The following MYL2 variants were observed in gnomAD, a reference collection of about 807,000 sequenced individuals.
The protein encoded by MYL2 is myosin light chain 2, also known as myosin regulatory light chain 2, ventricular/cardiac muscle isoform.
MYL2 carries 19 observed loss-of-function variants against 23.0 expected under a neutral mutation model. The ratio of observed to expected loss-of-function variants is 0.83; its 90% CI spans 0.58 to 1.21. MYL2 has a LOEUF of 1.21. Among genes scored for constraint, MYL2 ranks in the 50% most tolerant of loss-of-function variants. The pLI is 0.00. For synonymous variants in MYL2, 78 were observed against 76.2 expected (o/e 1.02, Z -0.13); for missense variants, 180 against 215.1 (o/e 0.84, Z 1.02).
chr12:110,920,681 G>GC (rs909924038), upstream of MYL2: 44 of 1,070,792 alleles, frequency 4.1e-5, no homozygotes, highest in East Asian at 4.9e-5. Flanking sequence ...ACCACCTAAG[G>GC]CCCCCCCACC....
intron 4 of MYL2, 112 bp from the exon 5 acceptor site, chr12:110,913,436 TTG>T (rs2071668064): frequency 9.1e-7 from 1 of 1,095,716 alleles, no homozygotes; most frequent in Admixed American, 1.8e-5. Flanking sequence ...CAAGGCTGCT[TTG>T]CATGGAGGAA....
At chr12:110,914,101 T>C (rs1354298409) in intron 4 of MYL2, 85 bp downstream of exon 4, 2 of 1,092,636 alleles carry the variant, frequency 1.8e-6, no homozygotes, top group Non-Finnish European at 2.8e-6. Flanking sequence ...GCTTTATCTC[T>C]TTTAAAGTTA....
chr12:110,920,688 C>T (rs544647435), upstream of MYL2: 53 of 1,008,066 alleles, frequency 5.3e-5, no homozygotes, highest in South Asian at 5.3e-4. Flanking sequence ...AAGGCCCCCC[C>T]ACCCCATGCC....
chr12:110,921,029 A>G (rs186869307), upstream of MYL2, among the ~76,000 whole-genome samples: 8 of 152,236 alleles, frequency 5.3e-5, no homozygotes, highest in Admixed American at 1.3e-4. Context: ...CTCATATGTC[A>G]TCTCCTGAGT....
At position 110,914,405 on chromosome 12, in the gene MYL2, G is replaced by A; in HGVS notation, c.170-115C>T. On this transcript the variant is annotated intron_variant, in intron 3 of 6. Transcript: ENST00000228841. ...GAAATCTAGTCTAGAAATCATCAGA[G>A]ATGGGGTGGATGGAGGCAAAGATCT... 3 of 745,074 alleles carry A rather than the reference G, an allele frequency of 4.0e-6. No homozygotes were observed. The African/African-American group carries it at 5.2e-5, about 13-fold the overall frequency. 46.2% of individuals were successfully genotyped at this position (745,074 alleles called of 1,614,324 possible).
At chr12:110,919,003 C>G in intron 2 of MYL2, 101 bp downstream of exon 2, 1 of 1,012,488 alleles carries the variant, frequency 9.9e-7, no homozygotes, top group South Asian at 1.3e-5. Flanking sequence ...AGGATAGAGG[C>G]ATCTAATGAA....
intron 4 of MYL2, among the ~76,000 whole-genome samples, chr12:110,913,698 C>T (rs2071669425): frequency 6.6e-6 from 1 of 152,184 alleles, no homozygotes; most frequent in Non-Finnish European, 1.5e-5. Context: ...AAGTGGTTAG[C>T]ATGAGGTCTG....
At chr12:110,916,099 G>A (rs2071686456) in intron 2 of MYL2, among the ~76,000 whole-genome samples, 1 of 152,214 alleles carries the variant, frequency 6.6e-6, no homozygotes, top group African/African-American at 2.4e-5. Flanking sequence ...ACTTTGGGAG[G>A]CCTAGGCCCG....
At chr12:110,915,927 A>C in intron 2 of MYL2, 137 bp from the exon 3 acceptor site, 1 of 780,290 alleles carries the variant, frequency 1.3e-6, no homozygotes, top group Non-Finnish European at 2.3e-6. Context: ...AAAAGTCAAC[A>C]ATTGAAGATA....
upstream of MYL2, chr12:110,920,663 A>C (rs1278203052): frequency 7.4e-7 from 1 of 1,347,226 alleles, no homozygotes; most frequent in Non-Finnish European, 1.1e-6. Flanking sequence ...GTCATAGGTG[A>C]GGCGGGCACC....
rs182951079 is a variant in MYL2 at position 110,916,562 on chromosome 12, C to T, written c.94-772G>A. 3.6e-3 allele frequency among the ~76,000 whole-genome samples: 550 copies of T among 152,262 alleles called. 3 individuals carry two copies. Among genetic ancestry groups the T allele is most frequent in the African/African-American group, 0.013 (538 of 41,536 alleles). On this transcript the variant is annotated intron_variant, in intron 2 of 6. Transcript: ENST00000228841. Reference sequence around the variant, plus strand: ...TAAAACATCAGTGAAAGAAGCCAGACACAAATACCACATATTGTATGATTC... The same window carrying T: ...TAAAACATCAGTGAAAGAAGCCAGATACAAATACCACATATTGTATGATTC...
chr12:110,910,918 C>T lies in MYL2; in HGVS notation c.*159G>A, dbSNP rs1028185269. Reference sequence around the variant, plus strand: ...CTGTAGGATGTGCGGCCACGAAGTACCCATAGCCACCCAGGCTGCAAAGAA... The same window carrying T: ...CTGTAGGATGTGCGGCCACGAAGTATCCATAGCCACCCAGGCTGCAAAGAA... On this transcript the variant is annotated 3_prime_UTR_variant, in exon 7 of 7. Transcript: ENST00000228841. The T allele has an allele frequency of 1.4e-5, 10 of 712,080 alleles. No homozygotes were observed. Among genetic ancestry groups the T allele is most frequent in the Non-Finnish European group, 2.5e-5 (10 of 396,892 alleles). 44.1% of individuals were successfully genotyped at this position (712,080 alleles called of 1,614,324 possible). A position where few individuals can be genotyped will look rare whatever the true frequency, so the allele number is the denominator to read the frequency against.
At chr12:110,920,824 G>T (rs545365757), upstream of MYL2, 238 of 558,372 alleles carry the variant, frequency 4.3e-4, 1 homozygote, top group South Asian at 5.0e-3. Context: ...CGCTCTCTGC[G>T]GTGCTTGGGC....
chr12:110,913,219 C>CCT (rs779907404), intron 5 of MYL2, 27 bp downstream of exon 5: 2 of 1,600,780 alleles, frequency 1.2e-6, no homozygotes, highest in Admixed American at 1.7e-5. Context: ...CAGGGAACCC[C>CCT]CTTCCTCCCC....
upstream of MYL2, chr12:110,920,634 C>G: frequency 1.3e-6 from 2 of 1,572,862 alleles, no homozygotes; most frequent in Non-Finnish European, 1.7e-6. Flanking sequence ...TAAAAATAAC[C>G]CCATGACCGC....
chr12:110,916,164 C>T (rs1198371046), intron 2 of MYL2, among the ~76,000 whole-genome samples: 5 of 152,120 alleles, frequency 3.3e-5, no homozygotes, highest in African/African-American at 7.2e-5. Flanking sequence ...GGTGAAACTC[C>T]GTCTCTATTA....
In MYL2 at chr12:110,918,556, T is replaced by A. The variant is rs981311030; in HGVS notation, c.93+548A>T. On this transcript the variant is annotated intron_variant, in intron 2 of 6. Transcript: ENST00000228841. This position sits in a 1 kb window ranked among gnomAD's most constrained non-coding sequence, Gnocchi z 4.4. ...AGTTCCTTTGACCCAGCAGTTCTGCTTTTAGGAATTTACCCCCAAGAAATA... is the reference window on the plus strand; with the variant it reads ...AGTTCCTTTGACCCAGCAGTTCTGCATTTAGGAATTTACCCCCAAGAAATA... Among the ~76,000 whole-genome samples, 9 of 152,192 alleles carry A rather than the reference T, an allele frequency of 5.9e-5. No individual in the cohort carries two copies. Among genetic ancestry groups the A allele is most frequent in the African/African-American group, 2.2e-4 (9 of 41,432 alleles).
At chr12:110,920,914 C>T (rs1208173610), upstream of MYL2, among the ~76,000 whole-genome samples, 34 of 152,248 alleles carry the variant, frequency 2.2e-4, no homozygotes, top group Admixed American at 2.2e-3. Flanking sequence ...TTTTATCAGC[C>T]TGGATCTGGC....
upstream of MYL2, chr12:110,920,848 G>T: frequency 2.0e-6 from 1 of 501,428 alleles, no homozygotes; most frequent in Non-Finnish European, 3.6e-6. Context: ...GGACACTTGT[G>T]CTTGTCAATT....
Sources: gnomAD v4.1 joint callset for allele counts (sites outside exome capture counted in the v4.1 genomes callset) on GRCh38, gnomAD v4.1.1 for gene constraint, Gnocchi (gnomAD v3.1) non-coding constraint, MANE v1.5 for transcripts, NCBI Gene and HGNC (gene_info 2026-07-23, HGNC 2026-07-21) for gene names.